NFXL1: variants seen among roughly 807,000 people sequenced by gnomAD.
NFXL1 encodes the protein NF-X1-type zinc finger protein NFXL1.
NFXL1 carries 66 observed loss-of-function variants against 123.3 expected under a neutral mutation model. The observed-to-expected ratio is 0.54, with a 90% CI of 0.44 to 0.66. The LOEUF is 0.66. Ranked by LOEUF, NFXL1 falls within the 30% of genes least tolerant of loss-of-function variation. The pLI is 0.00. For missense variants in NFXL1, 944 were observed against 1,125.6 expected (o/e 0.84, Z 2.31); for synonymous variants, 346 against 360.8 (o/e 0.96, Z 0.46).
intron 16 of NFXL1, 47 bp from the exon 17 acceptor site, chr4:47,878,712 T>A: frequency 7.3e-7 from 1 of 1,375,196 alleles, no homozygotes; most frequent in Non-Finnish European, 9.5e-7. Flanking sequence ...CTCAAACGTT[T>A]CTGGACATAT....
Position 47,914,133 on chromosome 4 carries a change from G to A in NFXL1, c.71C>T (p.Ser24Leu), listed in dbSNP as rs1390053180. 2.0e-5 allele frequency: 31 copies of A among 1,554,004 alleles called. No individual in the cohort carries two copies. Among genetic ancestry groups the A allele is most frequent in the Admixed American group, 3.8e-5 (2 of 52,190 alleles). Residue 24 changes from serine (S) to leucine (L), a missense_variant, in exon 2 of 23, where the codon TCA becomes TTA. Physicochemically the swap from Ser to Leu is moderately radical, Grantham distance 145. Transcript: ENST00000507489. ...RSRGRATAAP[S>L]GNGVHLRGAG... ...GCCGCGGAGATGGACTCCATTTCCT[G>A]AGGGGGCGGCAGTGGCCCGTCCCCG...
At chr4:47,889,565 TC>T (rs1736646186) in intron 12 of NFXL1, among the ~76,000 whole-genome samples, 1 of 152,172 alleles carries the variant, frequency 6.6e-6, no homozygotes, top group African/African-American at 2.4e-5. Context: ...GATAGGGAGA[TC>T]AACTGAGAAA....
At chr4:47,898,133 A>C in intron 8 of NFXL1, 52 bp from the exon 9 acceptor site, 1 of 1,110,942 alleles carries the variant, frequency 9.0e-7, no homozygotes, top group Non-Finnish European at 1.3e-6. Flanking sequence ...TTAACAAAAA[A>C]AGACTTCATA....
At chr4:47,908,098 A>C (rs147119495) in intron 3 of NFXL1, among the ~76,000 whole-genome samples, 1 of 152,338 alleles carries the variant, frequency 6.6e-6, no homozygotes, top group African/African-American at 2.4e-5. Flanking sequence ...TTGGGAAGGG[A>C]AAGGTGAAAT....
chr4:47,851,109 TTTC>T lies in NFXL1; in HGVS notation c.2545_2547del (p.Glu849del), dbSNP rs780669877. 6.2e-7 allele frequency: 1 copy of T among 1,611,752 alleles called. No homozygotes were observed. Among genetic ancestry groups the T allele is most frequent in the Non-Finnish European group, 8.5e-7 (1 of 1,177,998 alleles). The stretch of plus-strand genomic sequence containing the variant: ...TGTTTGGTTACCTGTTGTCTTCGTT[TTTC>T]TTCTTCAAGAGCAGCTTTGGCTTCT... On this transcript the variant is annotated inframe_deletion, in exon 22 of 23. Coordinates refer to ENST00000507489, the MANE Select transcript of NFXL1 (RefSeq NM_001278624.2).
rs1014633664 is a variant in NFXL1, at chr4:47,897,980, T to A, written c.1191A>T (p.Pro397=). The change falls in exon 9 of 23, where the codon CCA becomes CCT. Residue 397 remains proline (P), a synonymous_variant. Coordinates refer to ENST00000507489, the MANE Select transcript of NFXL1 (RefSeq NM_001278624.2). ...AACAAGTCTTACTTGATTTCTGACA[T>A]GGACAGAACCTTTTCCCAGATCGAG... is the stretch of plus-strand genomic sequence containing the variant. The part of the protein sequence containing the change: ...ECPRSGKRFC[P]CQKSKFSLPC... The A allele has an allele frequency of 1.9e-6, 3 of 1,597,568 alleles. No homozygotes were observed. Among genetic ancestry groups the A allele is most frequent in the Non-Finnish European group, 2.6e-6 (3 of 1,172,426 alleles).
chr4:47,876,992 C>CA (rs1381785975), intron 17 of NFXL1: 1 of 1,085,008 alleles, frequency 9.2e-7, no homozygotes, highest in Non-Finnish European at 1.2e-6. Flanking sequence ...ACAAAATATG[C>CA]AAAAAGAACC....
chr4:47,898,925 A>C (rs754599827), intron 7 of NFXL1, 34 bp downstream of exon 7: 1 of 1,613,324 alleles, frequency 6.2e-7, no homozygotes, highest in South Asian at 1.1e-5. Flanking sequence ...CTTTTGCTTA[A>C]AGTCAGAAAA....
Position 47,885,665 on chromosome 4 carries a change from A to C in NFXL1, c.1665-8T>G. 1 of 1,609,256 alleles carries C rather than the reference A, an allele frequency of 6.2e-7. No homozygotes were observed. The highest frequency in any genetic ancestry group is 8.5e-7 in the Non-Finnish European group (1 of 1,176,606). On this transcript the variant is annotated splice_region_variant and splice_polypyrimidine_tract_variant and intron_variant, in intron 13 of 22. Transcript: ENST00000507489. Reference sequence around the variant, plus strand: ...TGACAAGTTGGTGGTCGACTAAATCATAAAGTACAATTTTCAAAAATTACT... The same window carrying C: ...TGACAAGTTGGTGGTCGACTAAATCCTAAAGTACAATTTTCAAAAATTACT...
intron 15 of NFXL1, among the ~76,000 whole-genome samples, chr4:47,881,247 T>G (rs1301626904): frequency 1.3e-5 from 2 of 152,172 alleles, no homozygotes; most frequent in East Asian, 3.8e-4. Context: ...ATGGATACGC[T>G]AATTGCCCTG....
chr4:47,895,508 G>A (rs76038556), intron 10 of NFXL1, among the ~76,000 whole-genome samples: 177 of 152,240 alleles, frequency 1.2e-3, no homozygotes, highest in Non-Finnish European at 2.0e-3. Context: ...GTTTCACCTC[G>A]CACCTTTATA....
chr4:47,859,841 C>CAAAAAAAAAAAAAAAAAAAAAAAAAAA (rs938207203), intron 19 of NFXL1, among the ~76,000 whole-genome samples: 3 of 14,312 alleles, frequency 2.1e-4, no homozygotes, highest in African/African-American at 2.5e-4. Flanking sequence ...GACTCCATCT[C>CAAAAAAAAAAAAAAAAAAAAAAAAAAA]AAAAAAAAAA....
intron 18 of NFXL1, among the ~76,000 whole-genome samples, chr4:47,872,000 T>C (rs968806796): frequency 1.3e-5 from 2 of 152,188 alleles, no homozygotes; most frequent in African/African-American, 2.4e-5. Flanking sequence ...GTTATATCAT[T>C]ATTAAATAAA....
chr4:47,885,735 C>T, intron 13 of NFXL1, 78 bp from the exon 14 acceptor site: 2 of 1,391,092 alleles, frequency 1.4e-6, no homozygotes, highest in Non-Finnish European at 2.0e-6. Flanking sequence ...TATCTATTTA[C>T]ATATCTTCTG....
chr4:47,879,092 T>C lies in NFXL1; in HGVS notation c.1938+4A>G. The C allele has an allele frequency of 7.2e-7, 1 of 1,386,410 alleles. No homozygotes were observed. 85.9% of individuals were successfully genotyped at this position (1,386,410 alleles called of 1,614,324 possible). On this transcript the variant is annotated splice_donor_region_variant and intron_variant, in intron 16 of 22. Transcript: ENST00000507489. ...TTTACTTAAAAATTGTGCCTGTAAC[T>C]TACCTCATGTTTCCCAAGACATTCC...
chr4:47,866,384 C>A (rs770911635), intron 18 of NFXL1, among the ~76,000 whole-genome samples: 2 of 152,326 alleles, frequency 1.3e-5, no homozygotes, highest in Non-Finnish European at 2.9e-5. Flanking sequence ...TATTTTCCCA[C>A]ACTGGCAAGA....
chr4:47,880,682 A>T (rs1246002256), intron 15 of NFXL1, among the ~76,000 whole-genome samples: 1 of 151,684 alleles, frequency 6.6e-6, no homozygotes, highest in Non-Finnish European at 1.5e-5. Context: ...GCATTATTTC[A>T]AAGTTTTTCT....
intron 10 of NFXL1, among the ~76,000 whole-genome samples, chr4:47,896,223 G>A (rs561514603): frequency 6.6e-6 from 1 of 152,166 alleles, no homozygotes; most frequent in Non-Finnish European, 1.5e-5. Context: ...AAATGTGACA[G>A]ATACATGAGC....
At chr4:47,906,114 C>G (rs1454333164) in intron 3 of NFXL1, among the ~76,000 whole-genome samples, 1 of 152,186 alleles carries the variant, frequency 6.6e-6, no homozygotes, top group Non-Finnish European at 1.5e-5. Flanking sequence ...TGAGCAGTTA[C>G]TGCAGGAAGG....
Sources: gnomAD v4.1 joint callset for allele counts (sites outside exome capture counted in the v4.1 genomes callset) on GRCh38, gnomAD v4.1.1 for gene constraint, MANE v1.5 for transcripts, NCBI Gene and HGNC (gene_info 2026-07-23, HGNC 2026-07-21) for gene names.